ANKRD30B: variants seen among roughly 807,000 people sequenced by gnomAD.
ANKRD30B encodes ankyrin repeat domain-containing protein 30B.
In ANKRD30B, 144 loss-of-function variants were observed where a neutral mutation model predicts 202.2. The ratio of observed to expected loss-of-function variants is 0.71; its 90% confidence interval spans 0.62 to 0.82. The LOEUF (loss-of-function observed/expected upper bound fraction) is 0.82, where lower values mean the gene tolerates loss of function less well. Ranked by LOEUF, ANKRD30B falls within the 40% of genes least tolerant of loss-of-function variation. The pLI is 0.00. For synonymous variants in ANKRD30B, 508 were observed against 561.3 expected, an observed-to-expected ratio of 0.91 and a Z score of 1.34; for missense variants, 1,487 against 1,669.1, an observed-to-expected ratio of 0.89 and a Z score of 1.90.
chr18:14,830,666 C>T (rs1970877013), intron 33 of ANKRD30B, among the ~76,000 whole-genome samples: 1 of 152,076 alleles, frequency 6.6e-6, no homozygotes, highest in Non-Finnish European at 1.5e-5. Context: ...CTTTCTTCCT[C>T]ATTTTAGGTT....
At chr18:14,775,317 A>C (rs1398989876) in intron 9 of ANKRD30B, among the ~76,000 whole-genome samples, 1 of 152,228 alleles carries the variant, frequency 6.6e-6, no homozygotes, top group African/African-American at 2.4e-5. Context: ...TTAGTTCTGA[A>C]GTTGTTTGTC....
At chr18:14,860,884 T>C in the ANKRD30B span, among the ~76,000 whole-genome samples, 1 of 152,098 alleles carries the variant, frequency 6.6e-6, no homozygotes, top group African/African-American at 2.4e-5. Context: ...TTGGTATTTT[T>C]AATAGGGAGT....
the ANKRD30B span, among the ~76,000 whole-genome samples, chr18:14,908,100 G>T: frequency 1.3e-5 from 2 of 152,210 alleles, no homozygotes; most frequent in Non-Finnish European, 1.5e-5. Context: ...CCGAAAACAG[G>T]TATGTTGGCA....
the ANKRD30B span, among the ~76,000 whole-genome samples, chr18:14,896,846 ATTACT>A: frequency 4.0e-5 from 6 of 148,934 alleles, no homozygotes; most frequent in African/African-American, 1.2e-4. Flanking sequence ...ACTTGATCTG[ATTACT>A]TTAATTATGA....
At chr18:14,789,018 A>C (rs575887371) in intron 15 of ANKRD30B, among the ~76,000 whole-genome samples, 3,895 of 151,658 alleles carry the variant, frequency 0.026, 183 homozygotes, top group African/African-American at 0.089. Flanking sequence ...CCAACAGTGT[A>C]AAAGTGTTCC....
At chr18:14,753,037 C>A in intron 3 of ANKRD30B, 25 bp downstream of exon 3, 2 of 1,518,642 alleles carry the variant, frequency 1.3e-6, no homozygotes, top group Admixed American at 2.1e-5. Flanking sequence ...ATGTTATTTT[C>A]AAAATATTTG....
At chr18:14,818,304 T>C (rs1568043707) in intron 30 of ANKRD30B, among the ~76,000 whole-genome samples, 2 of 152,168 alleles carry the variant, frequency 1.3e-5, no homozygotes, top group Non-Finnish European at 1.5e-5. Flanking sequence ...GTTAATGATA[T>C]ATAAAAATTC....
In ANKRD30B at chr18:14,760,585, A is replaced by G; in HGVS notation, c.787A>G (p.Lys263Glu). The G allele has an allele frequency of 6.5e-7, 1 of 1,532,898 alleles. No individual in the cohort carries two copies. The highest frequency in any genetic ancestry group is 1.2e-5 in the South Asian group (1 of 81,044). The allele number at this position is 1,532,898 out of a possible 1,614,324, so 95.0% of individuals were successfully genotyped here. A position where few individuals can be genotyped will look rare whatever the true frequency, so the allele number is the denominator to read the frequency against. ...IHQQLLEHIR[K>E]LPKNPQNTNP... The stretch of plus-strand genomic sequence containing the variant: ...TCAACAACTTTTGGAACATATACGA[A>G]AATTACCTAAAAATCCTCAAAATAC... Residue 263 changes from lysine (K) to glutamate (E), a missense_variant, in exon 6 of 44, where the codon AAA (lysine) becomes GAA (glutamate). Physicochemically the swap from Lys to Glu is moderately conservative, Grantham distance 56. Around this residue, in one of 6 missense-constraint regions of ANKRD30B, gnomAD observed 889 missense variants for 841.4 expected, o/e 1.06. Transcript: ENST00000690538.
At chr18:14,789,144 A>G (rs139265167) in intron 15 of ANKRD30B, among the ~76,000 whole-genome samples, 19,124 of 151,954 alleles carry the variant, frequency 0.13, 1,445 homozygotes, top group East Asian at 0.27. Context: ...CTGATGGCCA[A>G]TGATGGTGAG....
At chr18:14,749,118 G>T (rs1204174896) in intron 1 of ANKRD30B, among the ~76,000 whole-genome samples, 1 of 152,182 alleles carries the variant, frequency 6.6e-6, no homozygotes, top group Non-Finnish European at 1.5e-5. Context: ...TGATATCAAT[G>T]AATGTCTATG....
the ANKRD30B span, among the ~76,000 whole-genome samples, chr18:14,894,565 G>T: frequency 2.0e-5 from 3 of 152,058 alleles, no homozygotes; most frequent in Non-Finnish European, 2.9e-5. Flanking sequence ...AAAAAAAGTG[G>T]AGGCAGTGGT....
At chr18:14,872,664 T>C in the ANKRD30B span, among the ~76,000 whole-genome samples, 1 of 152,128 alleles carries the variant, frequency 6.6e-6, no homozygotes, top group Non-Finnish European at 1.5e-5. Context: ...AGTCAGATTT[T>C]TGCCACTAGT....
At chr18:14,939,731 G>T in the ANKRD30B span, among the ~76,000 whole-genome samples, 1 of 152,190 alleles carries the variant, frequency 6.6e-6, no homozygotes. Flanking sequence ...AAAATTGTCA[G>T]TGATCAAAAT....
At chr18:14,754,842 A>G in intron 3 of ANKRD30B, 57 bp from the exon 4 acceptor site, 1 of 1,197,396 alleles carries the variant, frequency 8.4e-7, no homozygotes, top group Non-Finnish European at 1.1e-6. Context: ...TAAGGTATTC[A>G]GTTCAGCTGA....
intron 11 of ANKRD30B, among the ~76,000 whole-genome samples, chr18:14,782,285 ATTAT>A (rs1260578496): frequency 1.3e-5 from 2 of 152,186 alleles, no homozygotes; most frequent in East Asian, 3.8e-4. Context: ...TTGTGTCAAT[ATTAT>A]TTATTTTTCA....
intron 3 of ANKRD30B, 69 bp downstream of exon 3, chr18:14,753,081 G>T: frequency 1.6e-6 from 2 of 1,255,514 alleles, no homozygotes; most frequent in South Asian, 4.0e-5. Flanking sequence ...CATATGTAAG[G>T]CTTTTATATT....
At chr18:14,798,000 T>C (rs1310762103) in intron 20 of ANKRD30B, 146 bp downstream of exon 20, 1 of 918,820 alleles carries the variant, frequency 1.1e-6, no homozygotes, top group Non-Finnish European at 1.6e-6. Flanking sequence ...AGTATTTATG[T>C]TTGAGAAAAT....
intron 39 of ANKRD30B, among the ~76,000 whole-genome samples, chr18:14,843,593 G>GT (rs1971512569): frequency 1.0e-4 from 14 of 139,012 alleles, no homozygotes; most frequent in South Asian, 2.4e-4. Context: ...GTGTGTGTGT[G>GT]GTGTGCACGT....
At chr18:14,794,283 G>T (rs1345206542) in intron 16 of ANKRD30B, among the ~76,000 whole-genome samples, 2 of 151,594 alleles carry the variant, frequency 1.3e-5, no homozygotes, top group African/African-American at 4.8e-5. Flanking sequence ...TAGAACCAGA[G>T]TTTTCAACCA....
Sources: gnomAD v4.1 joint callset for allele counts (sites outside exome capture counted in the v4.1 genomes callset) on GRCh38, gnomAD v4.1.1 for gene constraint, gnomAD v4.1.1 regional missense constraint, MANE v1.5 for transcripts, NCBI Gene and HGNC (gene_info 2026-07-23, HGNC 2026-07-21) for gene names.